Variants in CARM1 observed in about 807,000 individuals in gnomAD.
CARM1 encodes coactivator associated arginine methyltransferase 1, also known as histone-arginine methyltransferase CARM1.
In CARM1, 14 loss-of-function variants were observed where a neutral mutation model predicts 72.7. The observed-to-expected ratio is 0.19, with a 90% CI of 0.13 to 0.30. The LOEUF (loss-of-function observed/expected upper bound fraction) is 0.30, where lower values mean the gene tolerates loss of function less well. Among genes scored for constraint, CARM1 ranks in the 10% least tolerant of loss-of-function variants. CARM1 has a pLI of 1.00. For missense variants in CARM1, 432 were observed against 833.7 expected (o/e 0.52, Z 5.93); for synonymous variants, 333 against 345.5 (o/e 0.96, Z 0.40).
intron 1 of CARM1, among the ~76,000 whole-genome samples, chr19:10,893,495 C>T (rs924572414): frequency 6.6e-6 from 1 of 152,186 alleles, no homozygotes; most frequent in East Asian, 1.9e-4. Context: ...CCCGCTACCA[C>T]GCCCGGCTAA....
chr19:10,907,297 A>G (rs1022677000), intron 2 of CARM1, among the ~76,000 whole-genome samples: 3 of 152,146 alleles, frequency 2.0e-5, no homozygotes, highest in East Asian at 1.9e-4. Flanking sequence ...CAGCCTCCCA[A>G]TGTGCTGGGA....
Position 10,871,825 on chromosome 19 carries a change from C to T in CARM1, c.123C>T (p.Gly41=). 7.7e-7 allele frequency: 1 copy of T among 1,291,268 alleles called. No homozygotes were observed. Among genetic ancestry groups the T allele is most frequent in the Non-Finnish European group, 9.9e-7 (1 of 1,012,152 alleles). The allele number at this position is 1,291,268 out of a possible 1,614,324, so 80.0% of individuals were successfully genotyped here. A position where few individuals can be genotyped will look rare whatever the true frequency, so the allele number is the denominator to read the frequency against. ...VFPGARLLTI[G]DANGEIQRHA... ...CCGGCGCCCGCCTCCTCACCATCGG[C>T]GACGCGAACGGCGAGATCCAGCGGC... The change falls in exon 1 of 16, where the codon GGC becomes GGT. Residue 41 remains glycine, a synonymous_variant. Coordinates refer to ENST00000327064, the MANE Select transcript of CARM1 (RefSeq NM_199141.2). The surrounding 1 kb of genome is among the most constrained non-coding windows in gnomAD (Gnocchi z 5.6).
intron 1 of CARM1, among the ~76,000 whole-genome samples, chr19:10,876,778 T>C (rs1265302285): frequency 1.3e-5 from 2 of 152,198 alleles, no homozygotes; most frequent in Non-Finnish European, 2.9e-5. Context: ...TAGGCTGCCC[T>C]CCCTTGGAAA....
intron 4 of CARM1, 38 bp downstream of exon 4, chr19:10,909,245 G>A: frequency 1.5e-6 from 2 of 1,336,428 alleles, no homozygotes; most frequent in Non-Finnish European, 2.1e-6. Context: ...CTCTGCTTCT[G>A]TCTCGGTTTT....
At position 10,921,770 on chromosome 19, in the gene CARM1, C is replaced by A. The variant is rs199893129; in HGVS notation, c.*13C>A. 11 of 1,573,666 alleles carry A rather than the reference C, an allele frequency of 7.0e-6. No individual in the cohort carries two copies. The highest frequency in any genetic ancestry group is 9.5e-6 in the Non-Finnish European group (11 of 1,154,984). ...CTACGGGAGCTAGGGGCCCGCCCCGCGGACTGACAGCACCAGGAAACCAAA... is the reference window on the plus strand; with the variant it reads ...CTACGGGAGCTAGGGGCCCGCCCCGAGGACTGACAGCACCAGGAAACCAAA... On this transcript the variant is annotated 3_prime_UTR_variant, in exon 16 of 16. Transcript: ENST00000327064.
intron 1 of CARM1, among the ~76,000 whole-genome samples, chr19:10,883,275 T>C (rs2073915515): frequency 6.6e-6 from 1 of 152,146 alleles, no homozygotes; most frequent in East Asian, 1.9e-4. Context: ...AGAGAAGATG[T>C]ATCCCAAGTT....
Position 10,921,271 on chromosome 19 carries a change from C to T in CARM1, c.1616-104C>T, listed in dbSNP as rs1026340986. On this transcript the variant is annotated intron_variant, in intron 14 of 15. Transcript: ENST00000327064. Reference sequence around the variant, plus strand: ...CCTGGGGGCTCTCGGCCGAGGCTCTCCGTCCTCTCTGCCTCGCTCTGCAGC... The same window carrying T: ...CCTGGGGGCTCTCGGCCGAGGCTCTTCGTCCTCTCTGCCTCGCTCTGCAGC... The T allele has an allele frequency of 3.4e-6, 5 of 1,479,054 alleles. No homozygotes were observed. The South Asian group carries it at 3.5e-5, about 10-fold the overall frequency. The allele number at this position is 1,479,054 out of a possible 1,614,324, so 91.6% of individuals were successfully genotyped here.
At chr19:10,885,908 T>C (rs1218318998) in intron 1 of CARM1, among the ~76,000 whole-genome samples, 3 of 149,932 alleles carry the variant, frequency 2.0e-5, no homozygotes, top group Admixed American at 1.3e-4. Flanking sequence ...TTTTTTTTTT[T>C]TTTTTTGAGA....
chr19:10,903,628 A>G (rs1223494685), intron 1 of CARM1, among the ~76,000 whole-genome samples: 1 of 151,190 alleles, frequency 6.6e-6, no homozygotes, highest in East Asian at 1.9e-4. Flanking sequence ...TGGCACCATC[A>G]TACCTCACTA....
intron 3 of CARM1, chr19:10,908,442 G>A (rs995841788): frequency 4.3e-5 from 14 of 328,858 alleles, no homozygotes; most frequent in South Asian, 1.4e-4. Context: ...TGCCCTGAGC[G>A]CTCCCTGCAT....
At chr19:10,878,064 A>G (rs938319495) in intron 1 of CARM1, among the ~76,000 whole-genome samples, 6 of 151,978 alleles carry the variant, frequency 3.9e-5, no homozygotes, top group African/African-American at 1.4e-4. Flanking sequence ...CTGGCCCCAA[A>G]CCCCTGGCCT....
chr19:10,881,032 G>T (rs1399424299), intron 1 of CARM1, among the ~76,000 whole-genome samples: 1 of 152,130 alleles, frequency 6.6e-6, no homozygotes, highest in Non-Finnish European at 1.5e-5. Flanking sequence ...CCGGCATGGT[G>T]GCACATGCCT....
At chr19:10,875,448 G>A (rs553642366) in intron 1 of CARM1, among the ~76,000 whole-genome samples, 15 of 150,370 alleles carry the variant, frequency 1.0e-4, no homozygotes, top group African/African-American at 3.7e-4. Context: ...TTTTTGAGAC[G>A]GAGTCTGGCT....
intron 2 of CARM1, among the ~76,000 whole-genome samples, chr19:10,906,951 G>T (rs1482607079): frequency 1.4e-5 from 2 of 146,706 alleles, no homozygotes; most frequent in African/African-American, 5.1e-5. Context: ...CTGTTGCCCA[G>T]GCTGGAGTGC....
intron 2 of CARM1, 124 bp from the exon 3 acceptor site, chr19:10,907,915 A>G: frequency 3.1e-6 from 2 of 635,784 alleles, no homozygotes; most frequent in East Asian, 2.7e-5. Context: ...GGGAAGAGAA[A>G]TCACCAGCCC....
At chr19:10,895,709 C>T (rs1037778985) in intron 1 of CARM1, among the ~76,000 whole-genome samples, 1 of 152,174 alleles carries the variant, frequency 6.6e-6, no homozygotes, top group African/African-American at 2.4e-5. Context: ...GCCCCTATCC[C>T]GGGGAGGGCA....
chr19:10,873,330 G>A (rs911227276), intron 1 of CARM1, among the ~76,000 whole-genome samples: 2 of 151,922 alleles, frequency 1.3e-5, no homozygotes, highest in Non-Finnish European at 2.9e-5. Context: ...AGGACCAGGC[G>A]GGGTAGCTCA....
chr19:10,921,763 C>A lies in CARM1; in HGVS notation c.*6C>A. 1 of 1,582,030 alleles carries A rather than the reference C, an allele frequency of 6.3e-7. No individual in the cohort carries two copies. Among genetic ancestry groups the A allele is most frequent in the Non-Finnish European group, 8.6e-7 (1 of 1,159,664 alleles). Reference sequence around the variant, plus strand: ...CCATGCACTACGGGAGCTAGGGGCCCGCCCCGCGGACTGACAGCACCAGGA... The same window carrying A: ...CCATGCACTACGGGAGCTAGGGGCCAGCCCCGCGGACTGACAGCACCAGGA... On this transcript the variant is annotated 3_prime_UTR_variant, in exon 16 of 16. Transcript: ENST00000327064.
rs916903463 is a variant in CARM1 at position 10,919,426 on chromosome 19, C to G, written c.1021-169C>G. ...TTTGGAGAGCTGTCACCTGATTGCCCTCGGTGGCGTTGTGCCGGTCCCCTC... is the reference window on the plus strand; with the variant it reads ...TTTGGAGAGCTGTCACCTGATTGCCGTCGGTGGCGTTGTGCCGGTCCCCTC... On this transcript the variant is annotated intron_variant, in intron 8 of 15. Transcript: ENST00000327064. The G allele has an allele frequency of 2.4e-5, 14 of 595,490 alleles. No homozygotes were observed. In the East Asian group the frequency reaches 3.3e-4, roughly 14 times the overall value. 36.9% of individuals were successfully genotyped at this position (595,490 alleles called of 1,614,324 possible).
Sources: gnomAD v4.1 joint callset for allele counts (sites outside exome capture counted in the v4.1 genomes callset) on GRCh38, gnomAD v4.1.1 for gene constraint, Gnocchi (gnomAD v3.1) non-coding constraint, MANE v1.5 for transcripts, NCBI Gene and HGNC (gene_info 2026-07-23, HGNC 2026-07-21) for gene names.